The following CWC27 variants were observed in gnomAD, a reference collection of about 807,000 sequenced individuals.
CWC27 encodes CWC27 spliceosome associated cyclophilin, also known as spliceosome-associated protein CWC27 homolog.
In CWC27, 47 loss-of-function variants were observed where a neutral mutation model predicts 63.6. The ratio of observed to expected loss-of-function variants is 0.74; its 90% CI spans 0.58 to 0.94. The LOEUF (loss-of-function observed/expected upper bound fraction) is 0.94. Ranked by LOEUF, CWC27 falls within the 40% of genes least tolerant of loss-of-function variation. The pLI is 0.00. For missense variants in CWC27, 495 were observed against 554.3 expected, an observed-to-expected ratio of 0.89 and a Z score of 1.07; for synonymous variants, 175 against 179.8, an observed-to-expected ratio of 0.97 and a Z score of 0.22.
At chr5:64,793,278 G>A (rs951139180) in intron 7 of CWC27, among the ~76,000 whole-genome samples, 1 of 152,040 alleles carries the variant, frequency 6.6e-6, no homozygotes, top group Non-Finnish European at 1.5e-5. Context: ...TTGGATCTTG[G>A]CACACTGCAG....
At chr5:64,991,091 G>A (rs1418898951) in intron 13 of CWC27, among the ~76,000 whole-genome samples, 1 of 152,216 alleles carries the variant, frequency 6.6e-6, no homozygotes, top group East Asian at 1.9e-4. Flanking sequence ...TTTCTGCTTA[G>A]AAACAGATAT....
chr5:64,931,360 G>A (rs977188154), intron 11 of CWC27, among the ~76,000 whole-genome samples: 2 of 151,792 alleles, frequency 1.3e-5, no homozygotes, highest in African/African-American at 2.4e-5. Flanking sequence ...TAGGTAGAAA[G>A]ATATGAGTTT....
intron 6 of CWC27, among the ~76,000 whole-genome samples, 164 bp from the exon 7 acceptor site, chr5:64,788,787 C>T (rs1166097100): frequency 1.3e-5 from 2 of 151,934 alleles, no homozygotes; most frequent in Non-Finnish European, 2.9e-5. Flanking sequence ...AAATACAGAT[C>T]GTTAGAATAC....
intron 10 of CWC27, among the ~76,000 whole-genome samples, chr5:64,835,995 C>T (rs1745650088): frequency 6.6e-6 from 1 of 151,678 alleles, no homozygotes; most frequent in Non-Finnish European, 1.5e-5. Context: ...CATTAAATTA[C>T]CTAACCCAAG....
chr5:64,957,897 G>A (rs922308675), intron 11 of CWC27, among the ~76,000 whole-genome samples: 1 of 152,070 alleles, frequency 6.6e-6, no homozygotes. Context: ...CCCTTAACAT[G>A]TTAGGTAAGA....
At chr5:64,987,017 CT>C in intron 13 of CWC27, among the ~76,000 whole-genome samples, 1 of 152,118 alleles carries the variant, frequency 6.6e-6, no homozygotes, top group East Asian at 1.9e-4. Flanking sequence ...AGTGCCCTCC[CT>C]TTTTTATTCT....
intron 10 of CWC27, among the ~76,000 whole-genome samples, chr5:64,870,129 A>G (rs990402612): frequency 1.3e-5 from 2 of 152,104 alleles, no homozygotes; most frequent in African/African-American, 4.8e-5. Flanking sequence ...TTGGGAGGTG[A>G]TATCAAATTT....
chr5:64,776,880 G>A (rs1268732141), intron 2 of CWC27, among the ~76,000 whole-genome samples: 1 of 152,018 alleles, frequency 6.6e-6, no homozygotes, highest in Non-Finnish European at 1.5e-5. Flanking sequence ...CATAGCCAAA[G>A]GATGGTTTAT....
At chr5:64,771,729 A>C (rs115309391) in intron 1 of CWC27, among the ~76,000 whole-genome samples, 2 of 152,192 alleles carry the variant, frequency 1.3e-5, no homozygotes, top group Admixed American at 1.3e-4. Flanking sequence ...CAAGGTATTA[A>C]TTGGGAATTT....
At chr5:64,981,091 C>CA (rs569951217) in intron 13 of CWC27, among the ~76,000 whole-genome samples, 17 of 145,934 alleles carry the variant, frequency 1.2e-4, no homozygotes, top group Middle Eastern at 3.5e-3. Context: ...AACTCCGTCT[C>CA]AAAAAAAAAC....
chr5:64,816,580 T>C (rs1745039164), intron 10 of CWC27, among the ~76,000 whole-genome samples: 1 of 152,168 alleles, frequency 6.6e-6, no homozygotes, highest in Non-Finnish European at 1.5e-5. Flanking sequence ...GACGGTAGAA[T>C]AGAGAGGAGC....
At chr5:64,940,799 G>T (rs1265646064) in intron 11 of CWC27, among the ~76,000 whole-genome samples, 3 of 148,378 alleles carry the variant, frequency 2.0e-5, no homozygotes, top group Admixed American at 6.7e-5. Flanking sequence ...TTTTTACTTG[G>T]CCAGTGGGAG....
rs185085669 is a variant in CWC27 at position 64,981,006 on chromosome 5, C to T, written c.1256+3768C>T. Among the ~76,000 whole-genome samples the T allele has an allele frequency of 3.7e-3, 564 of 152,118 alleles. 1 individual carries two copies. Among genetic ancestry groups the T allele is most frequent in the African/African-American group, 0.013 (523 of 41,496 alleles). ...ACTCAGGAGGCTGAGGCACGAGAAT[C>T]GCTTGAACCTGAAAGGTGGAGGTTG... On this transcript the variant is annotated intron_variant, in intron 13 of 13. Coordinates refer to ENST00000381070, the MANE Select transcript of CWC27 (RefSeq NM_005869.4).
At chr5:64,842,847 C>CTCTCA (rs1341145542) in intron 10 of CWC27, among the ~76,000 whole-genome samples, 2 of 151,500 alleles carry the variant, frequency 1.3e-5, no homozygotes, top group African/African-American at 4.9e-5. Flanking sequence ...GCAATCCGCC[C>CTCTCA]ACCCTCACCC....
Position 64,880,344 on chromosome 5 carries a change from A to G in CWC27, c.939-5099A>G, listed in dbSNP as rs1462343813. ...TCAGATAGTCACATTTTTAATTTCT[A>G]GCTCTGTCACTTACTCACTATGTGA... On this transcript the variant is annotated intron_variant, in intron 10 of 13. Coordinates refer to ENST00000381070, the MANE Select transcript of CWC27 (RefSeq NM_005869.4). Among the ~76,000 whole-genome samples the G allele has an allele frequency of 3.9e-5, 6 of 152,138 alleles. No individual in the cohort carries two copies. The East Asian group carries it at 9.6e-4, about 24-fold the overall frequency.
At chr5:64,833,364 C>T (rs1745579071) in intron 10 of CWC27, among the ~76,000 whole-genome samples, 1 of 151,746 alleles carries the variant, frequency 6.6e-6, no homozygotes, top group African/African-American at 2.4e-5. Context: ...AAAGCACCCA[C>T]TTTGAATTTC....
intron 10 of CWC27, among the ~76,000 whole-genome samples, chr5:64,828,045 C>T (rs1474304743): frequency 1.3e-5 from 2 of 151,996 alleles, no homozygotes; most frequent in Non-Finnish European, 1.5e-5. Flanking sequence ...GCGTGCTTTC[C>T]GCAGTTTTAT....
chr5:64,827,454 G>A (rs766399568), intron 10 of CWC27, among the ~76,000 whole-genome samples: 3 of 152,224 alleles, frequency 2.0e-5, no homozygotes, highest in Non-Finnish European at 4.4e-5. Flanking sequence ...CTTGTTTGTA[G>A]GAATCAGGAA....
At chr5:64,815,997 G>GT (rs1398456127) in intron 10 of CWC27, among the ~76,000 whole-genome samples, 4 of 152,160 alleles carry the variant, frequency 2.6e-5, no homozygotes. Flanking sequence ...ATTGCATACA[G>GT]TCTTTTCAAG....
Sources: allele counts gnomAD v4.1 joint callset (sites outside exome capture counted in the v4.1 genomes callset), GRCh38; gene constraint gnomAD v4.1.1; transcripts MANE v1.5; gene names NCBI Gene and HGNC (gene_info 2026-07-23, HGNC 2026-07-21).